Variants in ZNF727 observed in about 807,000 individuals in gnomAD.
The protein encoded by ZNF727 is zinc finger protein 727.
A neutral mutation model predicts 11.5 loss-of-function variants in ZNF727; 11 were observed. The observed-to-expected ratio is 0.95, with a 90% CI of 0.60 to 1.58. The LOEUF (loss-of-function observed/expected upper bound fraction) is 1.58, where lower values mean the gene tolerates loss of function less well. ZNF727 is among the 40% of genes most tolerant of loss of function. The pLI, the probability that ZNF727 is intolerant of heterozygous loss-of-function variation, is 0.00. For synonymous variants in ZNF727, 171 were observed against 196.1 expected (o/e 0.87, Z 1.07); for missense variants, 533 against 581.7 (o/e 0.92, Z 0.86).
At chr7:64,055,683 T>C (rs1443678106) in intron 1 of ZNF727, among the ~76,000 whole-genome samples, 1 of 152,232 alleles carries the variant, frequency 6.6e-6, no homozygotes, top group East Asian at 1.9e-4. Flanking sequence ...AGGTTCAGCA[T>C]GTGTCAAATT....
intron 1 of ZNF727, 104 bp downstream of exon 1, chr7:64,045,728 G>T: frequency 6.9e-7 from 1 of 1,447,514 alleles, no homozygotes; most frequent in African/African-American, 1.4e-5. Flanking sequence ...CTCTGCAGCA[G>T]CTCCGAGTCC....
At chr7:64,062,637 C>G (rs1289903581) in intron 1 of ZNF727, among the ~76,000 whole-genome samples, 1 of 136,644 alleles carries the variant, frequency 7.3e-6, no homozygotes, top group African/African-American at 2.6e-5. Flanking sequence ...TTCAGGTGGT[C>G]ATATTTAAGT....
intron 1 of ZNF727, among the ~76,000 whole-genome samples, chr7:64,064,286 A>C (rs1789828724): frequency 6.6e-6 from 1 of 152,094 alleles, no homozygotes; most frequent in Non-Finnish European, 1.5e-5. Flanking sequence ...GTTACTGCTG[A>C]TGTTTATTCA....
At chr7:64,058,123 G>T (rs1415343375) in intron 1 of ZNF727, among the ~76,000 whole-genome samples, 2 of 152,152 alleles carry the variant, frequency 1.3e-5, no homozygotes, top group Non-Finnish European at 2.9e-5. Context: ...AAGGACATGT[G>T]CGTGCCTGTG....
At position 64,083,519 on chromosome 7, in the gene ZNF727, C is replaced by T. The variant is rs1785825830; in HGVS notation, c.*4970C>T. ...GTTGCAGCTACTTTTTCTGGGAAGC[C>T]TGGAAAGCCAGAGTATCTGAGGCTC... is the stretch of plus-strand genomic sequence containing the variant. On this transcript the variant is annotated 3_prime_UTR_variant, in exon 4 of 4. Transcript: ENST00000456806. 6.6e-6 allele frequency among the ~76,000 whole-genome samples: 1 copy of T among 152,188 alleles called. No individual in the cohort carries two copies. Among genetic ancestry groups the T allele is most frequent in the Non-Finnish European group, 1.5e-5 (1 of 68,036 alleles).
chr7:64,066,497 G>A (rs548465448), intron 1 of ZNF727, among the ~76,000 whole-genome samples: 14 of 151,864 alleles, frequency 9.2e-5, no homozygotes, highest in South Asian at 6.2e-4. Flanking sequence ...AAATAATACC[G>A]CATATCTGCA....
rs575445622 is a variant in ZNF727, at chr7:64,078,429, C to T, written c.1380C>T (p.Thr460=). Reference sequence around the variant, plus strand: ...ACAAATGTGAAGAATGTGGCAAAACCTTTACCTGCTCCTCAAGCCTTATTA... The same window carrying T: ...ACAAATGTGAAGAATGTGGCAAAACTTTTACCTGCTCCTCAAGCCTTATTA... The part of the protein sequence containing the change: ...KPYKCEECGK[T]FTCSSSLIKH... The change falls in exon 4 of 4, where the codon ACC becomes ACT. Residue 460 remains threonine (T), a synonymous_variant. Transcript: ENST00000456806. 1 of 1,588,242 alleles carries T rather than the reference C, an allele frequency of 6.3e-7. No homozygotes were observed. Among genetic ancestry groups the T allele is most frequent in the Non-Finnish European group, 8.6e-7 (1 of 1,166,902 alleles).
At position 64,064,235 on chromosome 7, in the gene ZNF727, A is replaced by G. The variant is rs1262005446; in HGVS notation, c.4-4656A>G. ...GCTGCCACAGCTTGGATTGCACTGC[A>G]CTAGGCCTCAACCCCCAAGGGCTGC... On this transcript the variant is annotated intron_variant, in intron 1 of 3. Coordinates refer to ENST00000456806, the MANE Select transcript of ZNF727 (RefSeq NM_001159522.3). Among the ~76,000 whole-genome samples, 3 of 152,112 alleles carry G rather than the reference A, an allele frequency of 2.0e-5. No homozygotes were observed. In the East Asian group the frequency reaches 5.8e-4, roughly 29 times the overall value.
intron 1 of ZNF727, among the ~76,000 whole-genome samples, chr7:64,064,729 A>G (rs1414587595): frequency 6.6e-6 from 1 of 152,136 alleles, no homozygotes; most frequent in Non-Finnish European, 1.5e-5. Context: ...AGTTTTGATT[A>G]CTGAAATGGA....
chr7:64,063,831 G>A lies in ZNF727; in HGVS notation c.4-5060G>A, dbSNP rs547156498. ...ATTCTGCTGTGGCTTAGCTGGCACCGAAGCCATGAGACAATATCCTTCCTA... is the reference window on the plus strand; with the variant it reads ...ATTCTGCTGTGGCTTAGCTGGCACCAAAGCCATGAGACAATATCCTTCCTA... On this transcript the variant is annotated intron_variant, in intron 1 of 3. Coordinates refer to ENST00000456806, the MANE Select transcript of ZNF727 (RefSeq NM_001159522.3). Among the ~76,000 whole-genome samples the A allele has an allele frequency of 1.6e-4, 25 of 152,200 alleles. 1 individual carries two copies. The South Asian group carries it at 3.7e-3, about 23-fold the overall frequency.
chr7:64,077,163 T>C (rs1785679125), intron 3 of ZNF727, 113 bp from the exon 4 acceptor site: 2 of 1,048,422 alleles, frequency 1.9e-6, no homozygotes, highest in East Asian at 5.2e-5. Flanking sequence ...GTAGAGCCTG[T>C]GGTATTTTAT....
Position 64,084,366 on chromosome 7 carries a change from T to A in ZNF727, c.*5817T>A, listed in dbSNP as rs1172821457. 1.3e-5 allele frequency among the ~76,000 whole-genome samples: 2 copies of A among 152,224 alleles called. No homozygotes were observed. Among genetic ancestry groups the A allele is most frequent in the African/African-American group, 4.8e-5 (2 of 41,464 alleles). Reference sequence around the variant, plus strand: ...CTTAATTTATTTTAATAAACCAAAATTATTGTTATTGAGTTAAGGCTATTT... The same window carrying A: ...CTTAATTTATTTTAATAAACCAAAAATATTGTTATTGAGTTAAGGCTATTT... On this transcript the variant is annotated 3_prime_UTR_variant, in exon 4 of 4. Coordinates refer to ENST00000456806, the MANE Select transcript of ZNF727 (RefSeq NM_001159522.3).
rs74580056 is a variant in ZNF727 at position 64,085,069 on chromosome 7, A to G, written c.*6520A>G. Among the ~76,000 whole-genome samples the G allele has an allele frequency of 0.018, 2,760 of 152,258 alleles. 163 individuals carry two copies. The highest frequency in any genetic ancestry group is 0.18 in the East Asian group (912 of 5,172). On this transcript the variant is annotated 3_prime_UTR_variant, in exon 4 of 4. Transcript: ENST00000456806. ...TTTCTTGTTGTTCACCATAGGCATA[A>G]TATATCATTTTCTTGTCATCTAATT...
chr7:64,052,369 T>C (rs1392190467), intron 1 of ZNF727, among the ~76,000 whole-genome samples: 3 of 75,314 alleles, frequency 4.0e-5, no homozygotes, highest in Admixed American at 2.8e-4. Flanking sequence ...CCCTGGACAA[T>C]TTCTCTCTCT....
intron 1 of ZNF727, among the ~76,000 whole-genome samples, chr7:64,046,641 C>A (rs1789512291): frequency 6.6e-6 from 1 of 152,232 alleles, no homozygotes; most frequent in South Asian, 2.1e-4. Flanking sequence ...TGGTGTTATG[C>A]TTTCTGTACA....
At chr7:64,053,324 G>A (rs1229268530) in intron 1 of ZNF727, among the ~76,000 whole-genome samples, 1 of 151,928 alleles carries the variant, frequency 6.6e-6, no homozygotes, top group African/African-American at 2.4e-5. Flanking sequence ...TGTTGTTGTT[G>A]TTGATTTTTC....
chr7:64,067,881 G>A (rs911462974), intron 1 of ZNF727, among the ~76,000 whole-genome samples: 3 of 140,574 alleles, frequency 2.1e-5, no homozygotes, highest in Middle Eastern at 3.5e-3. Context: ...TTCTGCACAT[G>A]TATCCCAGAA....
At chr7:64,068,597 C>T (rs1328356082) in intron 1 of ZNF727, among the ~76,000 whole-genome samples, 1 of 152,114 alleles carries the variant, frequency 6.6e-6, no homozygotes, top group Admixed American at 6.6e-5. Flanking sequence ...ATAGACAGCT[C>T]ATCTTGTATT....
chr7:64,077,513 G>A lies in ZNF727; in HGVS notation c.464G>A (p.Gly155Glu), dbSNP rs1477411580. Residue 155 changes from glycine (G) to glutamate (E), a missense_variant, in exon 4 of 4, where the codon GGG becomes GAG. Gly to Glu is a moderately conservative substitution (Grantham distance 98). Transcript: ENST00000456806. ...TATAATAAATGTGGCAAAGCTTTTG[G>A]GTTGTGCTCAATCTTCACTGAACAT... The part of the protein sequence containing the change: ...CQYNKCGKAF[G>E]LCSIFTEHKK... The A allele has an allele frequency of 6.4e-7, 1 of 1,551,380 alleles. No homozygotes were observed. The highest frequency in any genetic ancestry group is 8.7e-7 in the Non-Finnish European group (1 of 1,146,820).
Sources: gnomAD v4.1 joint callset for allele counts (sites outside exome capture counted in the v4.1 genomes callset) on GRCh38, gnomAD v4.1.1 for gene constraint, MANE v1.5 for transcripts, NCBI Gene and HGNC (gene_info 2026-07-23, HGNC 2026-07-21) for gene names.